RBFOX1: variants seen among roughly 807,000 people sequenced by gnomAD.
The protein encoded by RBFOX1 is RNA binding protein fox-1 homolog 1.
Under a neutral mutation model 57.7 loss-of-function variants are expected in RBFOX1, and 8 were observed. The observed-to-expected ratio is 0.14, with a 90% CI of 0.08 to 0.25. RBFOX1 has a LOEUF of 0.25. RBFOX1 is among the 10% of genes least tolerant of loss of function. The pLI is 1.00. For missense variants in RBFOX1, 611 were observed against 548.5 expected (o/e 1.11, Z -1.14); for synonymous variants, 326 against 222.4 (o/e 1.47, Z -4.15).
chr16:5,330,794 G>A (rs894451178), intron 1 of RBFOX1, among the ~76,000 whole-genome samples: 3 of 151,810 alleles, frequency 2.0e-5, no homozygotes, highest in African/African-American at 7.3e-5. Context: ...ACTGTTTCAG[G>A]AATGATGTGG....
chr16:7,607,139 AT>A (rs1396637652), intron 9 of RBFOX1, 145 bp from the exon 10 acceptor site: 2 of 624,074 alleles, frequency 3.2e-6, no homozygotes, highest in Non-Finnish European at 5.3e-6. Context: ...GTTTTTAAGT[AT>A]TTTTATGCAT....
At chr16:7,048,736 T>C (rs1421667365) in intron 3 of RBFOX1, among the ~76,000 whole-genome samples, 1 of 152,212 alleles carries the variant, frequency 6.6e-6, no homozygotes, top group Non-Finnish European at 1.5e-5. Flanking sequence ...GAATGTCTTT[T>C]CCCATGCAAA....
At chr16:7,217,987 C>T (rs1603300397) in intron 4 of RBFOX1, among the ~76,000 whole-genome samples, 1 of 150,360 alleles carries the variant, frequency 6.7e-6, no homozygotes, top group Non-Finnish European at 1.5e-5. Flanking sequence ...TGTGCATGTG[C>T]ATGTGTGCAC....
intron 3 of RBFOX1, among the ~76,000 whole-genome samples, chr16:6,741,256 A>G (rs941034972): frequency 6.6e-6 from 1 of 152,236 alleles, no homozygotes; most frequent in Non-Finnish European, 1.5e-5. Flanking sequence ...TTAAATTGAA[A>G]ACATAAAACT....
chr16:6,940,871 G>C (rs1470711711), intron 3 of RBFOX1, among the ~76,000 whole-genome samples: 1 of 138,206 alleles, frequency 7.2e-6, no homozygotes, highest in African/African-American at 2.7e-5. Context: ...GTGTGTGTGT[G>C]TGTGTGTGTG....
At chr16:6,241,940 A>C (rs1454351206) in intron 1 of RBFOX1, among the ~76,000 whole-genome samples, 1 of 152,252 alleles carries the variant, frequency 6.6e-6, no homozygotes, top group Non-Finnish European at 1.5e-5. Flanking sequence ...GATAAACAAC[A>C]GCAGATAAAT....
rs1261895650 is a variant in RBFOX1, at chr16:6,564,034, C to G, written c.-63-90569C>G. Among the ~76,000 whole-genome samples, 3 of 152,064 alleles carry G rather than the reference C, an allele frequency of 2.0e-5. No homozygotes were observed. The East Asian group carries it at 5.8e-4, about 29-fold the overall frequency. On this transcript the variant is annotated intron_variant, in intron 2 of 15. Coordinates refer to ENST00000550418, the MANE Select transcript of RBFOX1 (RefSeq NM_018723.4). ...CCATGTTGTTTCTGCTTCTTCCCAGCAAGCTATTTCTAGCCACCCTTCACC... is the reference window on the plus strand; with the variant it reads ...CCATGTTGTTTCTGCTTCTTCCCAGGAAGCTATTTCTAGCCACCCTTCACC...
At chr16:7,702,507 A>T (rs1024740280) in intron 14 of RBFOX1, among the ~76,000 whole-genome samples, 3 of 152,178 alleles carry the variant, frequency 2.0e-5, no homozygotes, top group Non-Finnish European at 4.4e-5. Flanking sequence ...GAGTTGGAAA[A>T]CATAAATGCC....
At chr16:7,320,472 C>G (rs997949039) in intron 4 of RBFOX1, among the ~76,000 whole-genome samples, 1 of 152,202 alleles carries the variant, frequency 6.6e-6, no homozygotes, top group African/African-American at 2.4e-5. Flanking sequence ...TTTATCCAGT[C>G]TATCTTTGAT....
At chr16:5,858,912 A>C (rs1266942774) in intron 3 of RBFOX1, among the ~76,000 whole-genome samples, 2 of 152,180 alleles carry the variant, frequency 1.3e-5, no homozygotes, top group Non-Finnish European at 2.9e-5. Context: ...GAAGCTGCCT[A>C]CTTCAGAAAT....
At chr16:6,853,852 A>C (rs1417441473) in intron 3 of RBFOX1, among the ~76,000 whole-genome samples, 1 of 152,182 alleles carries the variant, frequency 6.6e-6, no homozygotes, top group African/African-American at 2.4e-5. Context: ...GTGACAAATG[A>C]TGAGTATGGT....
chr16:7,097,891 G>A (rs1288872103), intron 4 of RBFOX1, among the ~76,000 whole-genome samples: 1 of 152,194 alleles, frequency 6.6e-6, no homozygotes, highest in Non-Finnish European at 1.5e-5. Context: ...AAATCATAGT[G>A]CCTCACACAA....
intron 4 of RBFOX1, among the ~76,000 whole-genome samples, chr16:7,075,451 T>A (rs1001889865): frequency 2.0e-5 from 3 of 152,252 alleles, no homozygotes; most frequent in African/African-American, 7.2e-5. Context: ...GTTGCAAGTA[T>A]TTAATAATCT....
intron 12 of RBFOX1, among the ~76,000 whole-genome samples, chr16:7,664,184 A>T (rs2068560789): frequency 6.6e-6 from 1 of 152,270 alleles, no homozygotes; most frequent in East Asian, 1.9e-4. Context: ...ACATGTTTAC[A>T]TACGTGTATA....
chr16:6,210,614 T>C (rs1567685163), intron 1 of RBFOX1, among the ~76,000 whole-genome samples: 1 of 151,970 alleles, frequency 6.6e-6, no homozygotes, highest in East Asian at 1.9e-4. Context: ...CCCAACTACT[T>C]GGTAGGCTGA....
chr16:6,538,563 T>A (rs1194954796), intron 2 of RBFOX1, among the ~76,000 whole-genome samples: 1 of 152,096 alleles, frequency 6.6e-6, no homozygotes, highest in African/African-American at 2.4e-5. Flanking sequence ...GGATGACAAG[T>A]AATAATAATA....
At chr16:7,509,559 A>G (rs771619029) in intron 4 of RBFOX1, among the ~76,000 whole-genome samples, 29 of 152,166 alleles carry the variant, frequency 1.9e-4, no homozygotes, top group Admixed American at 7.2e-4. Context: ...GAGTATCACA[A>G]TAACTTGTCT....
chr16:6,983,471 A>G (rs1359713385), intron 3 of RBFOX1, among the ~76,000 whole-genome samples: 1 of 149,020 alleles, frequency 6.7e-6, no homozygotes, highest in South Asian at 2.1e-4. Flanking sequence ...TAATAGGATT[A>G]TGGAAGATGA....
At chr16:6,749,362 C>G (rs2074445779) in intron 3 of RBFOX1, among the ~76,000 whole-genome samples, 2 of 152,156 alleles carry the variant, frequency 1.3e-5, no homozygotes, top group Admixed American at 1.3e-4. Flanking sequence ...AGTAAGTGCT[C>G]AGGACATGAG....
Sources: gnomAD v4.1 joint callset for allele counts (sites outside exome capture counted in the v4.1 genomes callset) on GRCh38, gnomAD v4.1.1 for gene constraint, MANE v1.5 for transcripts, NCBI Gene and HGNC (gene_info 2026-07-23, HGNC 2026-07-21) for gene names.